EHBP1: variants seen among roughly 807,000 people sequenced by gnomAD.
The protein encoded by EHBP1 is EH domain-binding protein 1.
In EHBP1, 55 loss-of-function variants were observed where a neutral mutation model predicts 144.0. That is an observed-to-expected ratio of 0.38 (90% CI 0.31 to 0.48). EHBP1 has a LOEUF of 0.48. EHBP1 is among the 20% of genes least tolerant of loss of function. The pLI, the probability that EHBP1 is intolerant of heterozygous loss-of-function variation, is 0.98. For missense variants in EHBP1, 1,200 were observed against 1,364.2 expected, an observed-to-expected ratio of 0.88 and a Z score of 1.90; for synonymous variants, 469 against 472.7, an observed-to-expected ratio of 0.99 and a Z score of 0.10.
At chr2:62,885,264 A>G (rs1573897509) in intron 10 of EHBP1, among the ~76,000 whole-genome samples, 2 of 152,234 alleles carry the variant, frequency 1.3e-5, no homozygotes, top group Admixed American at 6.5e-5. Flanking sequence ...ATAAATGTAT[A>G]CTTATGTTGC....
chr2:62,991,380 T>C (rs1277297881), intron 16 of EHBP1, among the ~76,000 whole-genome samples: 1 of 152,050 alleles, frequency 6.6e-6, no homozygotes, highest in East Asian at 1.9e-4. Flanking sequence ...CAAGTAAAAA[T>C]AGAGGCAATA....
intron 2 of EHBP1, among the ~76,000 whole-genome samples, chr2:62,737,763 A>G (rs1381931709): frequency 6.6e-6 from 1 of 152,110 alleles, no homozygotes; most frequent in Non-Finnish European, 1.5e-5. Context: ...TGTCTTTAAA[A>G]AAAAAGAGTT....
At position 63,045,762 on chromosome 2, in the gene EHBP1, TGTGA is replaced by T. The variant is rs1237104651; in HGVS notation, c.*267_*270del. The T allele has an allele frequency of 2.4e-6, 1 of 411,222 alleles. No homozygotes were observed. Among genetic ancestry groups the T allele is most frequent in the Non-Finnish European group, 4.5e-6 (1 of 223,344 alleles). 25.5% of individuals were successfully genotyped at this position (411,222 alleles called of 1,614,324 possible). On this transcript the variant is annotated 3_prime_UTR_variant, in exon 23 of 23. Coordinates refer to ENST00000431489, the MANE Select transcript of EHBP1 (RefSeq NM_001142616.3). This position sits in a 1 kb window ranked among gnomAD's most constrained non-coding sequence, Gnocchi z 5.7. ...GTGAAATAGATTTGCACAGACACCT[TGTGA>T]GTGATTGGTATTGGAGGTGTTCAAG... is the stretch of plus-strand genomic sequence containing the variant.
At chr2:62,957,855 C>T (rs1215168591) in intron 14 of EHBP1, among the ~76,000 whole-genome samples, 2 of 151,864 alleles carry the variant, frequency 1.3e-5, no homozygotes, top group Non-Finnish European at 2.9e-5. Flanking sequence ...ACCGTGATAG[C>T]CAGGATGGTC....
At chr2:62,794,268 T>A (rs2043380497) in intron 5 of EHBP1, among the ~76,000 whole-genome samples, 1 of 152,078 alleles carries the variant, frequency 6.6e-6, no homozygotes, top group Non-Finnish European at 1.5e-5. Flanking sequence ...ATATTCCTGG[T>A]TTTGACTGCC....
At chr2:62,812,105 A>T (rs2045061158) in intron 5 of EHBP1, among the ~76,000 whole-genome samples, 1 of 152,146 alleles carries the variant, frequency 6.6e-6, no homozygotes, top group Admixed American at 6.5e-5. Flanking sequence ...TCTCATGCTC[A>T]CTTTCGCTTT....
At chr2:62,787,814 A>T (rs556402529) in intron 5 of EHBP1, among the ~76,000 whole-genome samples, 1 of 152,234 alleles carries the variant, frequency 6.6e-6, no homozygotes, top group Non-Finnish European at 1.5e-5. Context: ...TATTTGAGCT[A>T]TAGATTGCAA....
chr2:62,928,554 A>C (rs2055720349), intron 10 of EHBP1, among the ~76,000 whole-genome samples: 1 of 152,196 alleles, frequency 6.6e-6, no homozygotes, highest in Non-Finnish European at 1.5e-5. Flanking sequence ...CTTAATGTCA[A>C]GAACATGTTG....
At chr2:62,705,613 C>G (rs1032040863), upstream of EHBP1, 1 of 152,268 alleles carries the variant, frequency 6.6e-6, no homozygotes, top group African/African-American at 2.4e-5. Context: ...ATGAGGTGCC[C>G]CAGCCGCTGT....
At chr2:62,882,914 A>G (rs1325950917) in intron 10 of EHBP1, among the ~76,000 whole-genome samples, 1 of 151,666 alleles carries the variant, frequency 6.6e-6, no homozygotes, top group Non-Finnish European at 1.5e-5. Flanking sequence ...AACAAACTTA[A>G]CAGTGCCTAC....
intron 10 of EHBP1, among the ~76,000 whole-genome samples, chr2:62,936,496 T>A (rs1024070903): frequency 2.6e-5 from 4 of 152,092 alleles, no homozygotes; most frequent in African/African-American, 9.7e-5. Flanking sequence ...CTGTTTCTAC[T>A]TTTGAGGGGA....
At chr2:62,883,668 A>G (rs1388400460) in intron 10 of EHBP1, among the ~76,000 whole-genome samples, 6 of 152,184 alleles carry the variant, frequency 3.9e-5, no homozygotes, top group Admixed American at 2.6e-4. Flanking sequence ...AAATAATAGT[A>G]TTAATAGACT....
upstream of EHBP1, among the ~76,000 whole-genome samples, chr2:62,701,901 AT>A (rs2034291632): frequency 6.6e-6 from 1 of 152,320 alleles, no homozygotes; most frequent in East Asian, 1.9e-4. Context: ...CTACAGTGTT[AT>A]TATTGGGAGC....
intron 10 of EHBP1, among the ~76,000 whole-genome samples, chr2:62,921,793 C>T (rs1236131496): frequency 6.6e-5 from 10 of 152,072 alleles, no homozygotes; most frequent in Admixed American, 4.6e-4. Context: ...CAGAACAGAC[C>T]CATAACATAA....
intron 1 of EHBP1, among the ~76,000 whole-genome samples, chr2:62,683,362 C>A (rs978778166): frequency 2.6e-5 from 4 of 152,094 alleles, no homozygotes; most frequent in Non-Finnish European, 5.9e-5. Flanking sequence ...TGGTAGAGAC[C>A]TAAAGATGAG....
intron 8 of EHBP1, among the ~76,000 whole-genome samples, chr2:62,863,840 GTTTTTTTTTTTT>G (rs70962797): frequency 2.4e-5 from 2 of 82,736 alleles, no homozygotes; most frequent in African/African-American, 4.8e-5. Flanking sequence ...TTTCTGTGTT[GTTTTTTTTTTTT>G]TTTTTTTTTT....
intron 5 of EHBP1, 30 bp from the exon 6 acceptor site, chr2:62,826,057 T>G: frequency 7.0e-7 from 1 of 1,426,440 alleles, no homozygotes; most frequent in Non-Finnish European, 9.2e-7. Flanking sequence ...AACTCAAAAT[T>G]ACATACTTTT....
In EHBP1 at chr2:63,045,020, G is replaced by T; in HGVS notation, c.3278-46G>T. 7.0e-7 allele frequency: 1 copy of T among 1,434,002 alleles called. No homozygotes were observed. The highest frequency in any genetic ancestry group is 9.6e-7 in the Non-Finnish European group (1 of 1,043,464). 88.8% of individuals were successfully genotyped at this position (1,434,002 alleles called of 1,614,324 possible). A position where few individuals can be genotyped will look rare whatever the true frequency, so the allele number is the denominator to read the frequency against. Reference sequence around the variant, plus strand: ...GGAAGGGGAGGGCGGGGGGCCGGGTGTTCGGAGGCCCTGCCGGTGGGTAAC... The same window carrying T: ...GGAAGGGGAGGGCGGGGGGCCGGGTTTTCGGAGGCCCTGCCGGTGGGTAAC... On this transcript the variant is annotated intron_variant, in intron 21 of 22. Coordinates refer to ENST00000431489, the MANE Select transcript of EHBP1 (RefSeq NM_001142616.3). The surrounding 1 kb of genome is among the most constrained non-coding windows in gnomAD (Gnocchi z 5.7).
chr2:62,930,263 A>C (rs2055879040), intron 10 of EHBP1, among the ~76,000 whole-genome samples: 1 of 152,096 alleles, frequency 6.6e-6, no homozygotes, highest in African/African-American at 2.4e-5. Flanking sequence ...AAAACAAAAC[A>C]AAAAAACAAA....
Sources: gnomAD v4.1 joint callset for allele counts (sites outside exome capture counted in the v4.1 genomes callset) on GRCh38, gnomAD v4.1.1 for gene constraint, Gnocchi (gnomAD v3.1) non-coding constraint, MANE v1.5 for transcripts, NCBI Gene and HGNC (gene_info 2026-07-23, HGNC 2026-07-21) for gene names.